The following C2orf80 variants were observed in gnomAD, a reference collection of about 807,000 sequenced individuals.
C2orf80 encodes the protein chromosome 2 open reading frame 80, also known as uncharacterized protein C2orf80.
In C2orf80, 28 loss-of-function variants were observed where a neutral mutation model predicts 30.2. The observed-to-expected ratio is 0.93, with a 90% confidence interval of 0.69 to 1.27. C2orf80 has a LOEUF of 1.27. Ranked by LOEUF, C2orf80 falls within the 50% of genes most tolerant of loss-of-function variation. C2orf80 has a pLI of 0.00. For synonymous variants in C2orf80, 80 were observed against 76.4 expected (o/e 1.05, Z -0.24); for missense variants, 220 against 231.0 (o/e 0.95, Z 0.31).
rs1168495063 is a variant in C2orf80 at position 208,176,813 on chromosome 2, G to C, written c.366+3932C>G. Among the ~76,000 whole-genome samples, 5 of 108,260 alleles carry C rather than the reference G, an allele frequency of 4.6e-5. No homozygotes were observed. In the Admixed American group the frequency reaches 4.7e-4, roughly 10 times the overall value. 71.0% of individuals were successfully genotyped at this position (108,260 alleles called of 152,430 possible). A position where few individuals can be genotyped will look rare whatever the true frequency, so the allele number is the denominator to read the frequency against. On this transcript the variant is annotated intron_variant, in intron 6 of 8. Transcript: ENST00000341287. ...CAGGAGGCCAGGCTTTGGAATCCTA[G>C]TGCTTAACATTACACAACCTGCCTC...
chr2:208,181,371 G>T, intron 4 of C2orf80, 66 bp from the exon 5 acceptor site: 1 of 1,057,806 alleles, frequency 9.5e-7, no homozygotes, highest in Non-Finnish European at 1.5e-6. Context: ...TGCTAAGGTT[G>T]TGATGATAAT....
chr2:208,180,738 C>A lies in C2orf80; in HGVS notation c.366+7G>T. On this transcript the variant is annotated splice_region_variant and intron_variant, in intron 6 of 8. Transcript: ENST00000341287. The stretch of plus-strand genomic sequence containing the variant: ...CCCTTCTATTGACAATCCCAGGTCA[C>A]CCTTACCTTGATGGTACCAGAATCG... 2 of 1,611,636 alleles carry A rather than the reference C, an allele frequency of 1.2e-6. No homozygotes were observed. Among genetic ancestry groups the A allele is most frequent in the East Asian group, 4.5e-5 (2 of 44,826 alleles).
chr2:208,186,214 G>A (rs969170004), intron 2 of C2orf80, among the ~76,000 whole-genome samples: 14 of 152,058 alleles, frequency 9.2e-5, no homozygotes, highest in Non-Finnish European at 1.8e-4. Context: ...TATATTCATA[G>A]TTTCTTCTAG....
intron 6 of C2orf80, among the ~76,000 whole-genome samples, chr2:208,178,738 A>AC (rs1051103982): frequency 6.6e-6 from 1 of 151,728 alleles, no homozygotes; most frequent in Non-Finnish European, 1.5e-5. Flanking sequence ...ACATAGGGAG[A>AC]CCCCCATCCC....
At chr2:208,175,806 T>C (rs939270170) in intron 6 of C2orf80, among the ~76,000 whole-genome samples, 1 of 152,112 alleles carries the variant, frequency 6.6e-6, no homozygotes, top group Middle Eastern at 3.2e-3. Flanking sequence ...AAGACTCTTT[T>C]AAAATAGGTT....
At chr2:208,183,731 C>T (rs879409817) in intron 3 of C2orf80, among the ~76,000 whole-genome samples, 1 of 152,056 alleles carries the variant, frequency 6.6e-6, no homozygotes, top group South Asian at 2.1e-4. Context: ...GAGGCAAGGA[C>T]GGAGCGGGCG....
intron 6 of C2orf80, among the ~76,000 whole-genome samples, chr2:208,177,748 G>A (rs1445500359): frequency 6.6e-6 from 1 of 152,106 alleles, no homozygotes. Flanking sequence ...CAGATGGATA[G>A]GTAGAGATTG....
At chr2:208,188,182 T>C (rs568725706) in intron 1 of C2orf80, among the ~76,000 whole-genome samples, 2 of 151,828 alleles carry the variant, frequency 1.3e-5, no homozygotes, top group Non-Finnish European at 2.9e-5. Flanking sequence ...TACTCAAATA[T>C]AACAAAATGT....
intron 1 of C2orf80, among the ~76,000 whole-genome samples, chr2:208,188,870 A>G (rs1451966322): frequency 6.6e-6 from 1 of 152,190 alleles, no homozygotes; most frequent in Admixed American, 6.5e-5. Flanking sequence ...TTAAGTATCA[A>G]GACAATAATA....
chr2:208,181,386 A>G (rs760766555), intron 4 of C2orf80, 81 bp from the exon 5 acceptor site: 6 of 879,010 alleles, frequency 6.8e-6, no homozygotes, highest in African/African-American at 1.7e-5. Flanking sequence ...GATAATCGAT[A>G]AGTAATCTGC....
chr2:208,173,988 T>C (rs193239999), intron 6 of C2orf80, among the ~76,000 whole-genome samples: 6 of 152,206 alleles, frequency 3.9e-5, no homozygotes, highest in East Asian at 1.9e-4. Flanking sequence ...GGCCTCACCC[T>C]GTCACCCAGG....
At chr2:208,171,908 G>T (rs1696111103) in intron 7 of C2orf80, 80 bp downstream of exon 7, 5 of 1,171,012 alleles carry the variant, frequency 4.3e-6, no homozygotes, top group South Asian at 1.2e-5. Context: ...TTACAATTTT[G>T]ACCTTACCTG....
intron 6 of C2orf80, among the ~76,000 whole-genome samples, chr2:208,175,954 G>C (rs1696278521): frequency 6.6e-6 from 1 of 152,108 alleles, no homozygotes; most frequent in African/African-American, 2.4e-5. Context: ...TGGAGGCGGG[G>C]AGCTTGTGAG....
rs370442285 is a variant in C2orf80, at chr2:208,165,862, T to C, written c.574-47A>G. On this transcript the variant is annotated intron_variant, in intron 8 of 8. Transcript: ENST00000341287. ...TGGTATCAAGCACATCAATTTAACA[T>C]GGACACAGACATTACTTTAAGTCTA... is the stretch of plus-strand genomic sequence containing the variant. The C allele has an allele frequency of 1.3e-5, 17 of 1,314,956 alleles. 1 individual carries two copies. The South Asian group carries it at 2.1e-4, about 16-fold the overall frequency. The allele number at this position is 1,314,956 out of a possible 1,614,324, so 81.5% of individuals were successfully genotyped here. A position where few individuals can be genotyped will look rare whatever the true frequency, so the allele number is the denominator to read the frequency against.
chr2:208,174,946 G>A (rs1007515896), intron 6 of C2orf80, among the ~76,000 whole-genome samples: 4 of 152,070 alleles, frequency 2.6e-5, no homozygotes, highest in African/African-American at 9.7e-5. Flanking sequence ...TGTTCGATTT[G>A]TTGAAGGAAG....
At position 208,170,941 on chromosome 2, in the gene C2orf80, C is replaced by G. The variant is rs758692811; in HGVS notation, c.573+4G>C. 6.2e-7 allele frequency: 1 copy of G among 1,611,212 alleles called. No individual in the cohort carries two copies. Among genetic ancestry groups the G allele is most frequent in the African/African-American group, 1.3e-5 (1 of 74,850 alleles). ...TTTGGTCCAATTTACAATCTCACAC[C>G]TACTTTGTGCTTTGGCTGTGTGTCT... On this transcript the variant is annotated splice_donor_region_variant and intron_variant, in intron 8 of 8. Transcript: ENST00000341287.
intron 1 of C2orf80, 82 bp downstream of exon 1, chr2:208,189,871 C>T: frequency 1.4e-6 from 1 of 697,344 alleles, no homozygotes; most frequent in Non-Finnish European, 2.6e-6. Flanking sequence ...CCCTGCTGCA[C>T]ACCTGCAATC....
intron 6 of C2orf80, among the ~76,000 whole-genome samples, chr2:208,178,367 T>A (rs1168290987): frequency 6.6e-6 from 1 of 151,732 alleles, no homozygotes; most frequent in Non-Finnish European, 1.5e-5. Flanking sequence ...AACAGAAGGG[T>A]TTGGGGCTCA....
intron 2 of C2orf80, among the ~76,000 whole-genome samples, chr2:208,186,595 A>C (rs532295378): frequency 6.6e-6 from 1 of 152,304 alleles, no homozygotes; most frequent in South Asian, 2.1e-4. Context: ...CCTTTCAGGA[A>C]TCTCTCTTAT....
Sources: gnomAD v4.1 joint callset for allele counts (sites outside exome capture counted in the v4.1 genomes callset) on GRCh38, gnomAD v4.1.1 for gene constraint, MANE v1.5 for transcripts, NCBI Gene and HGNC (gene_info 2026-07-23, HGNC 2026-07-21) for gene names.